ABR: variants seen among roughly 807,000 people sequenced by gnomAD.
ABR encodes ABR activator of RhoGEF and GTPase.
ABR carries 35 observed loss-of-function variants against 107.2 expected under a neutral mutation model. That is an observed-to-expected ratio of 0.33 (90% CI 0.25 to 0.43). ABR has a LOEUF of 0.43. Among genes scored for constraint, ABR ranks in the 20% least tolerant of loss-of-function variants. The pLI, the probability that ABR is intolerant of heterozygous loss-of-function variation, is 1.00. For synonymous variants in ABR, 498 were observed against 462.0 expected (o/e 1.08, Z -1.00); for missense variants, 815 against 1,115.2 (o/e 0.73, Z 3.83).
chr17:1,108,714 C>T (rs968644506), intron 2 of ABR, among the ~76,000 whole-genome samples: 1 of 152,196 alleles, frequency 6.6e-6, no homozygotes, highest in African/African-American at 2.4e-5. Flanking sequence ...GAGCCCTGAG[C>T]TGGGCTGGCC....
At position 1,222,074 on chromosome 17, in the gene ABR, C is replaced by CTTTTTTTTTTTTTTTTTTTTTTTTTTT. The variant is rs1488404002; in HGVS notation, c.838+6718_838+6719insAAAAAAAAAAAAAAAAAAAAAAAAAAA. ...ATAACAGCACCATGGAGGATCCCAT[C>CTTTTTTTTTTTTTTTTTTTTTTTTTTT]TTTTTTTCTGAGACGGAGTTTCACC... On this transcript the variant is annotated intron_variant, in intron 1 of 22. Coordinates refer to the ABR transcript ENST00000574139. Among the ~76,000 whole-genome samples, 6 of 144,784 alleles carry CTTTTTTTTTTTTTTTTTTTTTTTTTTT rather than the reference C, an allele frequency of 4.1e-5. 1 individual carries two copies. The highest frequency in any genetic ancestry group is 7.5e-5 in the Non-Finnish European group (5 of 66,402). 95.0% of individuals were successfully genotyped at this position (144,784 alleles called of 152,430 possible).
rs145396822 is a variant in ABR, at chr17:1,219,258, G to A, written c.838+9535C>T. Among the ~76,000 whole-genome samples the A allele has an allele frequency of 3.1e-3, 467 of 151,996 alleles. 4 individuals are homozygous for A. The highest frequency in any genetic ancestry group is 0.01 in the African/African-American group (431 of 41,464). ...GGGGTTTCACCATGTTGACCAGGCA[G>A]GTCTCAAACTCCTGAGCTCAAATGG... On this transcript the variant is annotated intron_variant, in intron 1 of 22. Coordinates refer to the ABR transcript ENST00000574139.
At position 1,124,275 on chromosome 17, in the gene ABR, C is replaced by T. The variant is rs151133676; in HGVS notation, c.246+908G>A. The stretch of plus-strand genomic sequence containing the variant: ...GCCCCTGGAGGAAGAAGAGGCAGCC[C>T]GTGGCATCTCAGCGACTGCTCCTCT... On this transcript the variant is annotated intron_variant, in intron 2 of 22. Coordinates refer to ENST00000302538, the MANE Select transcript of ABR (RefSeq NM_021962.5). Among the ~76,000 whole-genome samples the T allele has an allele frequency of 1.3e-3, 200 of 152,286 alleles. 1 individual carries two copies. The highest frequency in any genetic ancestry group is 4.7e-3 in the African/African-American group (194 of 41,556).
intron 1 of ABR, among the ~76,000 whole-genome samples, chr17:1,144,365 C>T (rs886595489): frequency 6.6e-6 from 1 of 151,656 alleles, no homozygotes; most frequent in Non-Finnish European, 1.5e-5. Flanking sequence ...CGTTACGAGT[C>T]GCCCATGGAA....
intron 5 of ABR, 63 bp downstream of exon 5, chr17:1,083,457 A>C: frequency 8.1e-7 from 1 of 1,230,728 alleles, no homozygotes; most frequent in Non-Finnish European, 1.1e-6. Flanking sequence ...GGGGAGACCA[A>C]GGGCTCTGAG....
At chr17:1,178,894 C>G (rs947678329) in intron 1 of ABR, among the ~76,000 whole-genome samples, 7 of 151,976 alleles carry the variant, frequency 4.6e-5, no homozygotes, top group Non-Finnish European at 8.8e-5. Context: ...GCCCCAAGCC[C>G]CCCCACACCA....
At chr17:1,047,783 G>C (rs2031854074) in intron 16 of ABR, among the ~76,000 whole-genome samples, 1 of 152,080 alleles carries the variant, frequency 6.6e-6, no homozygotes, top group South Asian at 2.1e-4. Context: ...GTCTCCAAGA[G>C]GCTTGCAGTG....
At chr17:1,112,343 G>A (rs1204771709) in intron 2 of ABR, among the ~76,000 whole-genome samples, 1 of 152,238 alleles carries the variant, frequency 6.6e-6, no homozygotes, top group Non-Finnish European at 1.5e-5. Context: ...CGCTGCCTGA[G>A]AGTGAAAGCT....
intron 4 of ABR, among the ~76,000 whole-genome samples, chr17:1,085,983 C>T (rs2036566792): frequency 6.6e-6 from 1 of 152,030 alleles, no homozygotes; most frequent in African/African-American, 2.4e-5. Flanking sequence ...CCTGTCTCCA[C>T]TAAAGATACA....
rs1019423817 is a variant in ABR at position 1,078,920 on chromosome 17, C to G, written c.700+410G>C. 1.3e-5 allele frequency: 20 copies of G among 1,532,096 alleles called. No individual in the cohort carries two copies. Among genetic ancestry groups the G allele is most frequent in the Non-Finnish European group, 1.7e-5 (20 of 1,144,796 alleles). 94.9% of individuals were successfully genotyped at this position (1,532,096 alleles called of 1,614,324 possible). On this transcript the variant is annotated intron_variant, in intron 6 of 22. Coordinates refer to ENST00000302538, the MANE Select transcript of ABR (RefSeq NM_021962.5). This position sits in a 1 kb window ranked among gnomAD's most constrained non-coding sequence, Gnocchi z 7.5. ...ATCGCTCCAGGCTCCCCGGCGCCCA[C>G]CAGCAGCCCGGCCACTCAGCCACCT...
Position 1,029,758 on chromosome 17 carries a change from G to A in ABR, c.1792-16594C>T, listed in dbSNP as rs143078399. 8.5e-4 allele frequency among the ~76,000 whole-genome samples: 130 copies of A among 152,270 alleles called. 1 individual carries two copies. Among genetic ancestry groups the A allele is most frequent in the African/African-American group, 2.9e-3 (122 of 41,540 alleles). On this transcript the variant is annotated intron_variant, in intron 16 of 22. Coordinates refer to ENST00000302538, the MANE Select transcript of ABR (RefSeq NM_021962.5). ...CTCTGCTGCTCACCCGCTGGCCTGCGCACAGTGAGGTGGGAAGCACAGGGC... is the reference window on the plus strand; with the variant it reads ...CTCTGCTGCTCACCCGCTGGCCTGCACACAGTGAGGTGGGAAGCACAGGGC...
At chr17:1,079,704 G>A (rs1461960187) in intron 5 of ABR, among the ~76,000 whole-genome samples, 3 of 147,620 alleles carry the variant, frequency 2.0e-5, no homozygotes, top group Non-Finnish European at 4.5e-5. Context: ...CAGGAGAATC[G>A]CTTGAACCTG....
intron 16 of ABR, among the ~76,000 whole-genome samples, chr17:1,048,319 G>A (rs2031942381): frequency 6.6e-6 from 1 of 152,244 alleles, no homozygotes; most frequent in South Asian, 2.1e-4. Context: ...GCCCCTCCAC[G>A]TGGGGCCCCT....
At chr17:1,031,826 C>CCCG in intron 16 of ABR, 3 of 1,226,940 alleles carry the variant, frequency 2.4e-6, no homozygotes, top group Middle Eastern at 3.1e-4. Context: ...GTTCCCTAGT[C>CCCG]CCGCCGGCTT....
intron 2 of ABR, among the ~76,000 whole-genome samples, chr17:1,105,253 G>A (rs974150035): frequency 3.3e-5 from 5 of 151,816 alleles, no homozygotes; most frequent in African/African-American, 4.8e-5. Flanking sequence ...ATGATCCACC[G>A]CGCCCAGTCT....
In ABR at chr17:1,079,315, C is replaced by A; in HGVS notation, c.700+15G>T. 6.2e-7 allele frequency: 1 copy of A among 1,612,128 alleles called. No homozygotes were observed. The highest frequency in any genetic ancestry group is 1.1e-5 in the South Asian group (1 of 90,682). On this transcript the variant is annotated intron_variant, in intron 6 of 22. Transcript: ENST00000302538. ...AAAGGTAGGTGCCTGTAATCCAGCC[C>A]GCTCCCCGAGGTACCTTCCATGGTG... is the stretch of plus-strand genomic sequence containing the variant.
chr17:1,205,145 G>GCCCACCTCAGCCT (rs886459093), intron 1 of ABR, among the ~76,000 whole-genome samples: 1 of 151,884 alleles, frequency 6.6e-6, no homozygotes, highest in Non-Finnish European at 1.5e-5. Context: ...CAGGTGACCC[G>GCCCACCTCAGCCT]CCCACCTCAG....
At chr17:1,108,855 G>GC in intron 2 of ABR, 2 of 1,435,102 alleles carry the variant, frequency 1.4e-6, no homozygotes, top group Non-Finnish European at 1.8e-6. Context: ...CTCTGCGCCC[G>GC]CATCAGCCAT....
intron 1 of ABR, among the ~76,000 whole-genome samples, chr17:1,217,634 TAA>T (rs1174426177): frequency 1.3e-5 from 2 of 152,222 alleles, no homozygotes; most frequent in Non-Finnish European, 2.9e-5. Context: ...ACATAGCAGT[TAA>T]GTGGCAGAGC....
Sources: gnomAD v4.1 joint callset for allele counts (sites outside exome capture counted in the v4.1 genomes callset) on GRCh38, gnomAD v4.1.1 for gene constraint, Gnocchi (gnomAD v3.1) non-coding constraint, MANE v1.5 for transcripts, NCBI Gene and HGNC (gene_info 2026-07-23, HGNC 2026-07-21) for gene names.